The following EIF4G3 variants were observed in gnomAD, a reference collection of about 807,000 sequenced individuals.
EIF4G3 encodes the protein eIF-4-gamma 3.
In EIF4G3, 34 loss-of-function variants were observed where a neutral mutation model predicts 186.4. That is an observed-to-expected ratio of 0.18 (90% CI 0.14 to 0.24). The LOEUF (loss-of-function observed/expected upper bound fraction) is 0.24, where lower values mean the gene tolerates loss of function less well. Ranked by LOEUF, EIF4G3 falls within the 10% of genes least tolerant of loss-of-function variation. The pLI is 1.00. For missense variants in EIF4G3, 1,536 were observed against 1,948.5 expected (o/e 0.79, Z 3.99); for synonymous variants, 673 against 679.5 (o/e 0.99, Z 0.15).
At chr1:21,101,573 A>AAAAAAAAAAAAAC (rs1300347804) in intron 2 of EIF4G3, among the ~76,000 whole-genome samples, 8 of 140,250 alleles carry the variant, frequency 5.7e-5, no homozygotes, top group Non-Finnish European at 7.8e-5. Context: ...AAAAAAAAAA[A>AAAAAAAAAAAAAC]AACAACAAAA....
intron 4 of EIF4G3, among the ~76,000 whole-genome samples, chr1:21,018,761 G>A (rs951516928): frequency 1.3e-5 from 2 of 152,010 alleles, no homozygotes; most frequent in South Asian, 4.1e-4. Flanking sequence ...TGGTTATTTA[G>A]AAGAGCCTGT....
chr1:20,947,652 G>A (rs1411243715), intron 13 of EIF4G3, among the ~76,000 whole-genome samples: 1 of 152,104 alleles, frequency 6.6e-6, no homozygotes, highest in African/African-American at 2.4e-5. Flanking sequence ...AAGAAAGAGA[G>A]TTAGTTTTCT....
chr1:21,092,254 T>C (rs1362856002), intron 2 of EIF4G3, among the ~76,000 whole-genome samples: 1 of 152,188 alleles, frequency 6.6e-6, no homozygotes, highest in Non-Finnish European at 1.5e-5. Context: ...GATAATCATG[T>C]GTTTTTGTCT....
intron 20 of EIF4G3, among the ~76,000 whole-genome samples, chr1:20,868,999 G>A (rs966026984): frequency 3.9e-5 from 6 of 152,146 alleles, no homozygotes; most frequent in Non-Finnish European, 8.8e-5. Context: ...GGGTGGACAT[G>A]CTTATCCCCA....
intron 2 of EIF4G3, among the ~76,000 whole-genome samples, chr1:21,093,754 C>G (rs2096272368): frequency 6.6e-6 from 1 of 152,120 alleles, no homozygotes; most frequent in African/African-American, 2.4e-5. Context: ...ATAATATACA[C>G]CATGGAATAC....
chr1:21,024,152 G>A (rs1200180438), intron 4 of EIF4G3, among the ~76,000 whole-genome samples: 3 of 140,176 alleles, frequency 2.1e-5, no homozygotes, highest in Admixed American at 7.0e-5. Flanking sequence ...CAGTCACCCC[G>A]TCCGGGAGGG....
chr1:21,099,272 C>A (rs1166637249), intron 2 of EIF4G3, among the ~76,000 whole-genome samples: 1 of 152,140 alleles, frequency 6.6e-6, no homozygotes, highest in African/African-American at 2.4e-5. Flanking sequence ...AGGTATTACC[C>A]AACATAAATG....
intron 2 of EIF4G3, among the ~76,000 whole-genome samples, chr1:21,107,620 T>C (rs766831865): frequency 2.6e-5 from 4 of 152,246 alleles, no homozygotes; most frequent in Non-Finnish European, 5.9e-5. Flanking sequence ...GTTTTATTAA[T>C]GAAACAAGTG....
intron 11 of EIF4G3, among the ~76,000 whole-genome samples, chr1:20,972,353 G>A (rs2076069698): frequency 6.6e-6 from 1 of 152,034 alleles, no homozygotes; most frequent in Admixed American, 6.6e-5. Flanking sequence ...ACTGGTGTTG[G>A]CCAGGCACGG....
At chr1:20,910,284 G>A (rs2092983948) in intron 14 of EIF4G3, among the ~76,000 whole-genome samples, 1 of 152,064 alleles carries the variant, frequency 6.6e-6, no homozygotes, top group Non-Finnish European at 1.5e-5. Flanking sequence ...AAAGTAAATA[G>A]GAACTAAAAA....
intron 34 of EIF4G3, among the ~76,000 whole-genome samples, 153 bp downstream of exon 34, chr1:20,817,239 T>TA (rs1393707541): frequency 0.031 from 2,988 of 96,686 alleles, 115 homozygotes; most frequent in African/African-American, 0.11. Flanking sequence ...GAATGATCAA[T>TA]TAAAAAAAAA....
intron 2 of EIF4G3, among the ~76,000 whole-genome samples, chr1:21,169,467 A>T (rs1249301703): frequency 6.6e-6 from 1 of 152,146 alleles, no homozygotes. Flanking sequence ...ATAAATAAAT[A>T]AAATAAAATA....
intron 12 of EIF4G3, among the ~76,000 whole-genome samples, chr1:20,953,023 T>G (rs981456719): frequency 6.6e-5 from 10 of 152,228 alleles, no homozygotes; most frequent in African/African-American, 2.4e-4. Context: ...GTATGCATTT[T>G]GATACATATG....
At chr1:20,816,809 G>A (rs1319256066) in intron 34 of EIF4G3, among the ~76,000 whole-genome samples, 4 of 94,288 alleles carry the variant, frequency 4.2e-5, no homozygotes, top group African/African-American at 7.4e-5. Context: ...AAGGCGGGAA[G>A]GGTGGGGAAA....
intron 7 of EIF4G3, among the ~76,000 whole-genome samples, chr1:20,989,891 C>T (rs1304842991): frequency 1.3e-5 from 2 of 152,068 alleles, no homozygotes; most frequent in Non-Finnish European, 2.9e-5. Context: ...ATAAAGAGTC[C>T]ACTGGCCGGG....
intron 26 of EIF4G3, among the ~76,000 whole-genome samples, chr1:20,854,132 TC>T (rs2074165660): frequency 6.6e-6 from 1 of 152,198 alleles, no homozygotes; most frequent in Non-Finnish European, 1.5e-5. Flanking sequence ...AAATTTTTTT[TC>T]TTTCCATTGG....
Position 20,840,987 on chromosome 1 carries a change from T to G in EIF4G3, c.3930A>C (p.Leu1310=), listed in dbSNP as rs1490175718. The G allele has an allele frequency of 6.2e-7, 1 of 1,614,162 alleles. No homozygotes were observed. Among genetic ancestry groups the G allele is most frequent in the Non-Finnish European group, 8.5e-7 (1 of 1,180,032 alleles). The change falls in exon 30 of 37, where the codon CTA becomes CTC. Residue 1310 remains leucine (L), a synonymous_variant. Transcript: ENST00000602326. ...CTCCCACTCTCACAAAAACATGTAG[T>G]AGGCCCTGGGCATTCAGCTCTTCCA... is the stretch of plus-strand genomic sequence containing the variant. ...QCVEELNAQG[L]LHVFVRVGVE...
chr1:20,832,850 C>T (rs2065699425), intron 30 of EIF4G3, among the ~76,000 whole-genome samples: 2 of 49,502 alleles, frequency 4.0e-5, no homozygotes, highest in Admixed American at 2.6e-4. Context: ...TTTCCCAGCA[C>T]CATTTATTAA....
At chr1:20,879,649 G>A in intron 19 of EIF4G3, 129 bp from the exon 20 acceptor site, 1 of 530,694 alleles carries the variant, frequency 1.9e-6, no homozygotes. Flanking sequence ...CTGTGAACTA[G>A]TGACAGAAAT....
Sources: allele counts gnomAD v4.1 joint callset (sites outside exome capture counted in the v4.1 genomes callset), GRCh38; gene constraint gnomAD v4.1.1; transcripts MANE v1.5; gene names NCBI Gene and HGNC (gene_info 2026-07-23, HGNC 2026-07-21).